Variants in IGF2BP2 observed in about 807,000 individuals in gnomAD.
IGF2BP2 encodes the protein insulin-like growth factor 2 mRNA-binding protein 2.
In IGF2BP2, 17 loss-of-function variants were observed where a neutral mutation model predicts 75.8. That is an observed-to-expected ratio of 0.22 (90% CI 0.15 to 0.34). The LOEUF is 0.34. Among genes scored for constraint, IGF2BP2 ranks in the 10% least tolerant of loss-of-function variants. The pLI is 1.00. For synonymous variants in IGF2BP2, 288 were observed against 295.6 expected (o/e 0.97, Z 0.26); for missense variants, 516 against 772.4 (o/e 0.67, Z 3.93).
chr3:185,680,912 C>A (rs1720292127), intron 7 of IGF2BP2, among the ~76,000 whole-genome samples: 1 of 152,060 alleles, frequency 6.6e-6, no homozygotes, highest in Non-Finnish European at 1.5e-5. Flanking sequence ...AAACACCCAA[C>A]AAAATTAGGA....
chr3:185,681,943 A>G (rs1720452483), intron 7 of IGF2BP2, among the ~76,000 whole-genome samples: 1 of 152,238 alleles, frequency 6.6e-6, no homozygotes, highest in South Asian at 2.1e-4. Flanking sequence ...AAACAGACCT[A>G]AAACTATCAA....
chr3:185,731,081 C>T (rs535236464), intron 2 of IGF2BP2, among the ~76,000 whole-genome samples: 3 of 152,146 alleles, frequency 2.0e-5, no homozygotes, highest in Admixed American at 1.3e-4. Context: ...AAAACTTCCT[C>T]GGTTTTAACT....
intron 12 of IGF2BP2, among the ~76,000 whole-genome samples, chr3:185,652,794 C>T (rs1043478504): frequency 6.6e-6 from 1 of 152,168 alleles, no homozygotes; most frequent in Non-Finnish European, 1.5e-5. Context: ...TCCATTCCCT[C>T]ATCTGTGAAA....
chr3:185,685,532 G>T (rs1032726293), intron 7 of IGF2BP2, among the ~76,000 whole-genome samples: 2 of 152,026 alleles, frequency 1.3e-5, no homozygotes, highest in African/African-American at 4.8e-5. Flanking sequence ...TTCTTTTAAG[G>T]ACCATTTTCA....
At chr3:185,804,569 AG>A (rs1276432982) in intron 2 of IGF2BP2, among the ~76,000 whole-genome samples, 2 of 152,208 alleles carry the variant, frequency 1.3e-5, no homozygotes, top group Non-Finnish European at 2.9e-5. Context: ...TAGTTTCCTC[AG>A]GTTACAATAT....
At chr3:185,747,813 A>T (rs184212847) in intron 2 of IGF2BP2, among the ~76,000 whole-genome samples, 1 of 129,458 alleles carries the variant, frequency 7.7e-6, no homozygotes, top group African/African-American at 3.1e-5. Flanking sequence ...ACGATTTTAT[A>T]TTTTATTTTA....
intron 2 of IGF2BP2, among the ~76,000 whole-genome samples, chr3:185,741,927 C>G (rs999042761): frequency 2.0e-5 from 3 of 152,308 alleles, no homozygotes; most frequent in Non-Finnish European, 1.5e-5. Context: ...AACAACCCCT[C>G]TTACTCATGT....
At chr3:185,677,556 A>G (rs1223453709) in intron 7 of IGF2BP2, among the ~76,000 whole-genome samples, 2 of 152,206 alleles carry the variant, frequency 1.3e-5, no homozygotes, top group South Asian at 2.1e-4. Flanking sequence ...TACTAGGCAT[A>G]CAAAGAAACA....
chr3:185,675,990 T>C (rs1211975363), intron 7 of IGF2BP2, 77 bp from the exon 8 acceptor site: 1 of 1,544,750 alleles, frequency 6.5e-7, no homozygotes, highest in African/African-American at 1.4e-5. Flanking sequence ...CCTTGCTTTT[T>C]TCTTATAAAT....
intron 7 of IGF2BP2, among the ~76,000 whole-genome samples, chr3:185,685,356 T>C (rs1244144378): frequency 6.6e-6 from 1 of 150,794 alleles, no homozygotes; most frequent in Non-Finnish European, 1.5e-5. Flanking sequence ...AAAAAAGGAA[T>C]CCAGAAAAGT....
chr3:185,654,495 A>G (rs1715113697), intron 12 of IGF2BP2, among the ~76,000 whole-genome samples: 5 of 152,194 alleles, frequency 3.3e-5, no homozygotes, highest in Admixed American at 3.3e-4. Context: ...CACGCTGACC[A>G]AATCAGTTCT....
chr3:185,787,907 T>G (rs1164175265), intron 2 of IGF2BP2, among the ~76,000 whole-genome samples: 5 of 152,210 alleles, frequency 3.3e-5, no homozygotes, highest in Non-Finnish European at 7.3e-5. Flanking sequence ...GTTTTGTTTT[T>G]TTAAACAATT....
chr3:185,684,242 A>G (rs886341072), intron 7 of IGF2BP2, among the ~76,000 whole-genome samples: 2 of 152,074 alleles, frequency 1.3e-5, no homozygotes, highest in East Asian at 1.9e-4. Context: ...CTGTTCTCCT[A>G]TATCTTCTAC....
intron 2 of IGF2BP2, among the ~76,000 whole-genome samples, chr3:185,720,003 A>G (rs893947476): frequency 6.6e-6 from 1 of 152,196 alleles, no homozygotes; most frequent in South Asian, 2.1e-4. Flanking sequence ...ACAGCTGCAG[A>G]TGTACAATTG....
intron 2 of IGF2BP2, among the ~76,000 whole-genome samples, chr3:185,758,479 G>T (rs1731925754): frequency 2.0e-5 from 3 of 152,178 alleles, no homozygotes; most frequent in African/African-American, 7.2e-5. Context: ...ACCTCACAGG[G>T]TTTGCTTTGA....
chr3:185,810,232 T>C (rs1046679587), intron 2 of IGF2BP2, among the ~76,000 whole-genome samples: 2 of 152,224 alleles, frequency 1.3e-5, no homozygotes, highest in Non-Finnish European at 2.9e-5. Flanking sequence ...TTTTGTTTTG[T>C]TTTGTTTTAT....
At chr3:185,801,228 G>A (rs544991865) in intron 2 of IGF2BP2, among the ~76,000 whole-genome samples, 22 of 152,224 alleles carry the variant, frequency 1.4e-4, no homozygotes, top group Admixed American at 2.0e-4. Flanking sequence ...GGTGGCTCAC[G>A]CCAGTAATCC....
chr3:185,793,842 G>C (rs1425694663), intron 2 of IGF2BP2, among the ~76,000 whole-genome samples: 1 of 152,080 alleles, frequency 6.6e-6, no homozygotes, highest in African/African-American at 2.4e-5. Flanking sequence ...GAATCTAACA[G>C]CTCTATGGAG....
chr3:185,692,843 A>G, intron 4 of IGF2BP2, 81 bp from the exon 5 acceptor site: 1 of 1,212,006 alleles, frequency 8.3e-7, no homozygotes, highest in African/African-American at 1.5e-5. Context: ...CAAACTTTAG[A>G]GAAAAATGCA....
Sources: allele counts gnomAD v4.1 joint callset (sites outside exome capture counted in the v4.1 genomes callset), GRCh38; gene constraint gnomAD v4.1.1; transcripts MANE v1.5; gene names NCBI Gene and HGNC (gene_info 2026-07-23, HGNC 2026-07-21).